Variants in RALGPS2 observed in about 807,000 individuals in gnomAD.
RALGPS2 encodes ras-specific guanine nucleotide-releasing factor RalGPS2.
A neutral mutation model predicts 86.8 loss-of-function variants in RALGPS2; 43 were observed. That is an observed-to-expected ratio of 0.50 (90% CI 0.39 to 0.64). The LOEUF (loss-of-function observed/expected upper bound fraction) is 0.64. Among genes scored for constraint, RALGPS2 ranks in the 30% least tolerant of loss-of-function variants. The pLI, the probability that RALGPS2 is intolerant of heterozygous loss-of-function variation, is 0.00. For synonymous variants in RALGPS2, 243 were observed against 231.3 expected (o/e 1.05, Z -0.46); for missense variants, 536 against 694.6 (o/e 0.77, Z 2.57).
At chr1:178,756,833 A>G (rs1343539094) in intron 1 of RALGPS2, among the ~76,000 whole-genome samples, 2 of 152,112 alleles carry the variant, frequency 1.3e-5, no homozygotes, top group Admixed American at 1.3e-4. Flanking sequence ...TGTTTTTGCC[A>G]GGTTTTGGTA....
intron 17 of RALGPS2, among the ~76,000 whole-genome samples, chr1:178,898,034 T>C (rs1660021336): frequency 6.6e-6 from 1 of 152,066 alleles, no homozygotes; most frequent in Non-Finnish European, 1.5e-5. Flanking sequence ...GGAGTTTCCT[T>C]TCCTAATCAG....
chr1:178,726,222 C>G (rs955693308), intron 1 of RALGPS2: 1 of 152,272 alleles, frequency 6.6e-6, no homozygotes, highest in Non-Finnish European at 1.5e-5. Flanking sequence ...TCATAAACAC[C>G]GTGCTTTTGA....
rs1225732654 is a variant in RALGPS2 at position 178,916,767 on chromosome 1, TTAAA to T, written c.*409_*412del. On this transcript the variant is annotated 3_prime_UTR_variant, in exon 20 of 20. Transcript: ENST00000367635. The stretch of plus-strand genomic sequence containing the variant: ...GGGAATTGCCTTTTTTAGATATGCT[TTAAA>T]AAGGAAAAACATACTCTTGTGGATT... The T allele has an allele frequency of 6.1e-6, 1 of 164,518 alleles. No individual in the cohort carries two copies. The highest frequency in any genetic ancestry group is 6.4e-5 in the Admixed American group (1 of 15,678). The allele number at this position is 164,518 out of a possible 1,614,324, so 10.2% of individuals were successfully genotyped here. A position where few individuals can be genotyped will look rare whatever the true frequency, so the allele number is the denominator to read the frequency against.
In RALGPS2 at chr1:178,875,546, G is replaced by A. The variant is rs372686651; in HGVS notation, c.608-1952G>A. On this transcript the variant is annotated intron_variant, in intron 8 of 19. Transcript: ENST00000367635. ...GTGGATCACTTGAGACCAGGAGTTC[G>A]AGACCAGCCTGGCCAACATGGTGAA... Among the ~76,000 whole-genome samples the A allele has an allele frequency of 1.1e-4, 17 of 151,892 alleles. No individual in the cohort carries two copies. The East Asian group carries it at 1.9e-3, about 17-fold the overall frequency.
chr1:178,768,850 G>A (rs568465282), intron 1 of RALGPS2, among the ~76,000 whole-genome samples: 1 of 152,362 alleles, frequency 6.6e-6, no homozygotes, highest in South Asian at 2.1e-4. Context: ...TCTACACATA[G>A]ATAGGAGTGG....
At chr1:178,865,645 C>T (rs373962000) in intron 8 of RALGPS2, 116 of 1,613,852 alleles carry the variant, frequency 7.2e-5, no homozygotes, top group Non-Finnish European at 9.7e-5. Flanking sequence ...TCTTTGCTTC[C>T]TCTTTACCAT....
chr1:178,772,065 T>G (rs989743307), intron 1 of RALGPS2, among the ~76,000 whole-genome samples: 14 of 152,196 alleles, frequency 9.2e-5, no homozygotes, highest in African/African-American at 3.4e-4. Flanking sequence ...CCATCAGCAC[T>G]GCCATGTTGT....
At chr1:178,752,535 G>T (rs1300855282) in intron 1 of RALGPS2, among the ~76,000 whole-genome samples, 4 of 152,078 alleles carry the variant, frequency 2.6e-5, no homozygotes, top group African/African-American at 4.8e-5. Flanking sequence ...GAAGCAAAAA[G>T]CAATAGCTGT....
chr1:178,865,584 A>G (rs1361630196), intron 8 of RALGPS2: 2 of 1,613,972 alleles, frequency 1.2e-6, no homozygotes, highest in Non-Finnish European at 1.7e-6. Context: ...GTGTTGACAC[A>G]GATTGGCCCT....
intron 7 of RALGPS2, among the ~76,000 whole-genome samples, chr1:178,824,356 G>C (rs941957193): frequency 6.6e-6 from 1 of 152,060 alleles, no homozygotes; most frequent in African/African-American, 2.4e-5. Context: ...ATTTTGTTTT[G>C]TTTTTGGAAA....
At chr1:178,820,860 G>A (rs1655464614) in intron 6 of RALGPS2, among the ~76,000 whole-genome samples, 1 of 152,104 alleles carries the variant, frequency 6.6e-6, no homozygotes. Context: ...ATTAAATGCT[G>A]TATCCACAGC....
chr1:178,740,808 A>G (rs1385331743), intron 1 of RALGPS2, among the ~76,000 whole-genome samples: 1 of 152,108 alleles, frequency 6.6e-6, no homozygotes, highest in Non-Finnish European at 1.5e-5. Flanking sequence ...GAAAGATTGT[A>G]GGCTTTGGTG....
intron 19 of RALGPS2, among the ~76,000 whole-genome samples, chr1:178,912,985 A>G (rs1381043306): frequency 6.6e-6 from 1 of 152,116 alleles, no homozygotes; most frequent in Non-Finnish European, 1.5e-5. Flanking sequence ...TTCCAATTGC[A>G]TTATGAAATT....
intron 18 of RALGPS2, among the ~76,000 whole-genome samples, chr1:178,904,725 T>C (rs1247731265): frequency 6.6e-6 from 1 of 152,254 alleles, no homozygotes; most frequent in Non-Finnish European, 1.5e-5. Context: ...TTCATAGCAG[T>C]ACCATGCTGT....
At chr1:178,865,739 A>G (rs1211627105) in intron 8 of RALGPS2, 2 of 1,612,504 alleles carry the variant, frequency 1.2e-6, no homozygotes, top group East Asian at 4.5e-5. Context: ...CACTAGTAGG[A>G]AGAATAGCAC....
intron 15 of RALGPS2, 44 bp downstream of exon 15, chr1:178,892,351 T>C: frequency 6.6e-7 from 1 of 1,524,436 alleles, no homozygotes; most frequent in Non-Finnish European, 9.1e-7. Flanking sequence ...TCCCTTATGG[T>C]GTTGGTGATT....
At position 178,920,876 on chromosome 1, in the gene RALGPS2, TCAAAA is replaced by T. The variant is rs1416300431; in HGVS notation, c.*4522_*4526del. 1 of 151,996 alleles carries T rather than the reference TCAAAA, an allele frequency of 6.6e-6. No individual in the cohort carries two copies. The highest frequency in any genetic ancestry group is 2.1e-4 in the South Asian group (1 of 4,828). The allele number at this position is 151,996 out of a possible 1,614,324, so 9.4% of individuals were successfully genotyped here. On this transcript the variant is annotated 3_prime_UTR_variant, in exon 20 of 20. Transcript: ENST00000367635. ...ATTTATTTTTACATTTAAGTAACAC[TCAAAA>T]CAAACAAGTAGTCACTTAACCTGCC...
intron 1 of RALGPS2, among the ~76,000 whole-genome samples, chr1:178,766,380 C>T (rs913688643): frequency 1.6e-4 from 22 of 134,312 alleles, no homozygotes; most frequent in East Asian, 4.1e-4. Context: ...CTACCACACC[C>T]GGCTAATTTT....
intron 1 of RALGPS2, among the ~76,000 whole-genome samples, chr1:178,748,466 G>A (rs926180612): frequency 2.6e-5 from 4 of 152,198 alleles, no homozygotes; most frequent in Admixed American, 6.5e-5. Flanking sequence ...ATTGTGATGT[G>A]ACTATACTAT....
Sources: allele counts gnomAD v4.1 joint callset (sites outside exome capture counted in the v4.1 genomes callset), GRCh38; gene constraint gnomAD v4.1.1; transcripts MANE v1.5; gene names NCBI Gene and HGNC (gene_info 2026-07-23, HGNC 2026-07-21).